The following TXLNB variants were observed in gnomAD, a reference collection of about 807,000 sequenced individuals.
The protein encoded by TXLNB is beta-taxilin.
A neutral mutation model predicts 57.4 loss-of-function variants in TXLNB; 37 were observed. The observed-to-expected ratio is 0.64, with a 90% CI of 0.50 to 0.85. TXLNB has a LOEUF of 0.85. TXLNB is among the 40% of genes least tolerant of loss of function. The pLI is 0.00. For missense variants in TXLNB, 848 were observed against 825.6 expected, an observed-to-expected ratio of 1.03 and a Z score of -0.33; for synonymous variants, 302 against 309.6, an observed-to-expected ratio of 0.98 and a Z score of 0.26.
At chr6:139,258,798 A>C (rs144039483) in intron 6 of TXLNB, among the ~76,000 whole-genome samples, 2 of 152,318 alleles carry the variant, frequency 1.3e-5, no homozygotes, top group African/African-American at 4.8e-5. Flanking sequence ...GCACCGTCAC[A>C]GAGAGTGTGG....
the TXLNB span, chr6:139,201,623 A>G: frequency 6.6e-6 from 1 of 152,168 alleles, no homozygotes; most frequent in Non-Finnish European, 1.5e-5. Flanking sequence ...ATTTAACTAA[A>G]TTTGTTGAGA....
the TXLNB span, among the ~76,000 whole-genome samples, chr6:139,217,272 A>C: frequency 3.3e-5 from 5 of 152,174 alleles, no homozygotes; most frequent in African/African-American, 1.2e-4. Flanking sequence ...GCATCATGGG[A>C]ATCAAAGAAT....
rs972043229 is a variant in TXLNB, at chr6:139,242,897, G to A, written c.1684C>T (p.Gln562Ter). The stretch of plus-strand genomic sequence containing the variant: ...TCACTGCCTCCTTCGGCTTCAGCCT[G>A]AGGAGTTAGGGGAGGCAGGGGACTC... The part of the protein sequence containing the change: ...SESPLPPLTP[Q>*]AEAEGGSDAE... Residue 562 changes from glutamine (Q) to a stop codon, truncating the protein, a stop_gained, in exon 10 of 10, where the codon CAG (glutamine) becomes TAG (stop). Transcript: ENST00000358430. LOFTEE classifies it low-confidence loss of function (END_TRUNC). The A allele has an allele frequency of 6.2e-7, 1 of 1,614,174 alleles. No homozygotes were observed.
chr6:139,268,651 T>C (rs1562281688), intron 4 of TXLNB, among the ~76,000 whole-genome samples: 1 of 152,244 alleles, frequency 6.6e-6, no homozygotes, highest in Non-Finnish European at 1.5e-5. Context: ...TGTCAGTTTC[T>C]TCACCAATAA....
At chr6:139,168,546 A>G in the TXLNB span, among the ~76,000 whole-genome samples, 1 of 151,830 alleles carries the variant, frequency 6.6e-6, no homozygotes, top group Admixed American at 6.6e-5. Context: ...TTTGCCCCTG[A>G]AAATGCCCCT....
intron 8 of TXLNB, among the ~76,000 whole-genome samples, chr6:139,247,532 C>CTTTTTTTTT (rs61368061): frequency 2.4e-4 from 15 of 63,074 alleles, no homozygotes; most frequent in Admixed American, 3.6e-4. Flanking sequence ...CTCTGGTCTT[C>CTTTTTTTTT]TTTTTTTTTT....
the TXLNB span, among the ~76,000 whole-genome samples, chr6:139,201,159 C>A: frequency 6.6e-6 from 1 of 152,230 alleles, no homozygotes; most frequent in Non-Finnish European, 1.5e-5. Flanking sequence ...TACCAAACTT[C>A]ACAATATCTG....
chr6:139,240,741 C>T lies in TXLNB; in HGVS notation c.*1785G>A, dbSNP rs1775913765. 1 of 152,576 alleles carries T rather than the reference C, an allele frequency of 6.6e-6. No homozygotes were observed. The highest frequency in any genetic ancestry group is 6.5e-5 in the Admixed American group (1 of 15,278). 9.5% of individuals were successfully genotyped at this position (152,576 alleles called of 1,614,324 possible). On this transcript the variant is annotated 3_prime_UTR_variant, in exon 10 of 10. Coordinates refer to ENST00000358430, the MANE Select transcript of TXLNB (RefSeq NM_153235.4). ...TTTCCTGATTTTTTTTCCTGCCTAG[C>T]AACTTTGTTATTATCCTCACTGTCT...
the TXLNB span, among the ~76,000 whole-genome samples, chr6:139,159,426 C>A: frequency 6.6e-6 from 1 of 152,116 alleles, no homozygotes; most frequent in African/African-American, 2.4e-5. Context: ...TCCCATGGAA[C>A]CGGGACTTAC....
chr6:139,276,786 G>A (rs1295729855), intron 3 of TXLNB, 44 bp downstream of exon 3: 9 of 1,464,522 alleles, frequency 6.1e-6, no homozygotes, highest in Non-Finnish European at 8.5e-6. Flanking sequence ...GAGGCACTGG[G>A]CTCACTAATC....
chr6:139,214,565 G>A, the TXLNB span, among the ~76,000 whole-genome samples: 1 of 152,148 alleles, frequency 6.6e-6, no homozygotes, highest in Non-Finnish European at 1.5e-5. Flanking sequence ...TTGAAAACTG[G>A]CAAAAGACAG....
chr6:139,220,848 C>T, the TXLNB span, among the ~76,000 whole-genome samples: 20 of 152,086 alleles, frequency 1.3e-4, no homozygotes, highest in Admixed American at 5.9e-4. Flanking sequence ...TCAGAGGAGC[C>T]GAAATCATAG....
intron 8 of TXLNB, among the ~76,000 whole-genome samples, chr6:139,246,266 T>G (rs1253632483): frequency 1.3e-5 from 2 of 152,156 alleles, no homozygotes; most frequent in Non-Finnish European, 2.9e-5. Flanking sequence ...CAAAAAAAAA[T>G]TAAGCAAATG....
At chr6:139,224,376 A>G in the TXLNB span, among the ~76,000 whole-genome samples, 2 of 151,376 alleles carry the variant, frequency 1.3e-5, no homozygotes, top group Non-Finnish European at 2.9e-5. Flanking sequence ...GCAGTGCACC[A>G]GCATGGCACA....
chr6:139,317,684 C>A, the TXLNB span, among the ~76,000 whole-genome samples: 2 of 151,936 alleles, frequency 1.3e-5, no homozygotes, highest in African/African-American at 4.8e-5. Flanking sequence ...AGCCACCATG[C>A]CCGGCCAAGA....
chr6:139,179,670 A>G, the TXLNB span: 1 of 152,226 alleles, frequency 6.6e-6, no homozygotes, highest in African/African-American at 2.4e-5. Flanking sequence ...AATATTCAAC[A>G]CCATGAAGAT....
In TXLNB at chr6:139,243,440, C is replaced by A. The variant is rs958093850; in HGVS notation, c.1267-126G>T. 8 of 978,490 alleles carry A rather than the reference C, an allele frequency of 8.2e-6. No homozygotes were observed. In the South Asian group the frequency reaches 1.4e-4, roughly 17 times the overall value. The allele number at this position is 978,490 out of a possible 1,614,324, so 60.6% of individuals were successfully genotyped here. A position where few individuals can be genotyped will look rare whatever the true frequency, so the allele number is the denominator to read the frequency against. On this transcript the variant is annotated intron_variant, in intron 9 of 9. Coordinates refer to ENST00000358430, the MANE Select transcript of TXLNB (RefSeq NM_153235.4). ...AGAATTTGTCTACTAGGCTCTGGGA[C>A]CTGGCTACAGAGTAGGGGCTGAACA... is the stretch of plus-strand genomic sequence containing the variant.
the TXLNB span, among the ~76,000 whole-genome samples, chr6:139,230,248 TG>T: frequency 3.9e-5 from 6 of 152,158 alleles, no homozygotes; most frequent in South Asian, 2.1e-4. Context: ...TTTGGGGAGA[TG>T]AATTGTATCA....
the TXLNB span, among the ~76,000 whole-genome samples, chr6:139,226,023 G>A: frequency 6.6e-6 from 1 of 152,080 alleles, no homozygotes; most frequent in Non-Finnish European, 1.5e-5. Flanking sequence ...CATAGGTCAG[G>A]TGCGGTGACT....
Sources: allele counts gnomAD v4.1 joint callset (sites outside exome capture counted in the v4.1 genomes callset), GRCh38; gene constraint gnomAD v4.1.1; transcripts MANE v1.5; gene names NCBI Gene and HGNC (gene_info 2026-07-23, HGNC 2026-07-21).